Variants in USP7 observed in about 807,000 individuals in gnomAD.
The protein encoded by USP7 is ubiquitin specific peptidase 7.
USP7 carries 9 observed loss-of-function variants against 162.9 expected under a neutral mutation model. That is an observed-to-expected ratio of 0.06 (90% confidence interval 0.03 to 0.10). The LOEUF (loss-of-function observed/expected upper bound fraction) is 0.10, where lower values mean the gene tolerates loss of function less well. Among genes scored for constraint, USP7 ranks in the 10% least tolerant of loss-of-function variants. The probability of loss-of-function intolerance (pLI) is 1.00; values close to 1 mark genes in which losing one functional copy is unlikely to be tolerated. For synonymous variants in USP7, 562 were observed against 475.9 expected (o/e 1.18, Z -2.35); for missense variants, 715 against 1,373.7 (o/e 0.52, Z 7.58).
chr16:8,952,002 C>A (rs902834818), intron 1 of USP7, among the ~76,000 whole-genome samples: 3 of 152,188 alleles, frequency 2.0e-5, no homozygotes, highest in African/African-American at 7.2e-5. Flanking sequence ...GGAAGCCCAA[C>A]TGCAGTTCAC....
chr16:8,911,590 G>C (rs1326478286), intron 10 of USP7, among the ~76,000 whole-genome samples: 2 of 152,194 alleles, frequency 1.3e-5, no homozygotes, highest in African/African-American at 4.8e-5. Context: ...ATCCCTGAAG[G>C]GACAAATGAG....
At chr16:8,923,434 C>T in intron 2 of USP7, 21 bp from the exon 3 acceptor site, 1 of 1,613,060 alleles carries the variant, frequency 6.2e-7, no homozygotes, top group Non-Finnish European at 8.5e-7. Context: ...AACACATCAT[C>T]AGTCACAGAG....
At chr16:8,897,513 A>C (rs1409915382) in intron 25 of USP7, among the ~76,000 whole-genome samples, 1 of 151,586 alleles carries the variant, frequency 6.6e-6, no homozygotes, top group Non-Finnish European at 1.5e-5. Context: ...TTATGTCTCG[A>C]ATTTTCCCTC....
At chr16:8,896,485 A>C (rs994010413) in intron 26 of USP7, among the ~76,000 whole-genome samples, 20 of 152,190 alleles carry the variant, frequency 1.3e-4, no homozygotes, top group African/African-American at 4.6e-4. Flanking sequence ...ACTACAGGGC[A>C]AAGTAGTGAG....
chr16:8,958,316 G>T (rs1398254906), intron 1 of USP7, among the ~76,000 whole-genome samples: 1 of 152,232 alleles, frequency 6.6e-6, no homozygotes, highest in Non-Finnish European at 1.5e-5. Context: ...TGTCCTGTTT[G>T]TGCCCACACA....
At chr16:8,920,661 C>A (rs1897635652) in intron 4 of USP7, among the ~76,000 whole-genome samples, 1 of 152,098 alleles carries the variant, frequency 6.6e-6, no homozygotes, top group African/African-American at 2.4e-5. Flanking sequence ...CAGAGGTATC[C>A]CAGAGGTACC....
chr16:8,933,925 T>G (rs1898530163), intron 1 of USP7, among the ~76,000 whole-genome samples: 1 of 152,068 alleles, frequency 6.6e-6, no homozygotes, highest in Admixed American at 6.5e-5. Context: ...CCAGCTAATT[T>G]TTTTTATTTT....
chr16:8,900,337 G>T (rs946087813), intron 21 of USP7, among the ~76,000 whole-genome samples, 193 bp downstream of exon 21: 13 of 152,128 alleles, frequency 8.5e-5, no homozygotes, highest in Non-Finnish European at 1.8e-4. Flanking sequence ...AAGAAATTGA[G>T]AAGAGCTTTA....
chr16:8,899,966 T>G, intron 21 of USP7: 1 of 626,438 alleles, frequency 1.6e-6, no homozygotes, highest in South Asian at 1.9e-5. Flanking sequence ...CCAGGCGCAA[T>G]GTAGTGGCTT....
chr16:8,925,398 A>G (rs1357979633), intron 2 of USP7, among the ~76,000 whole-genome samples: 5 of 152,220 alleles, frequency 3.3e-5, no homozygotes, highest in Admixed American at 3.3e-4. Context: ...CAGGACCTAA[A>G]AAGCTGAAAG....
intron 1 of USP7, among the ~76,000 whole-genome samples, chr16:8,938,903 CT>C (rs1344373824): frequency 1.3e-5 from 2 of 152,134 alleles, no homozygotes; most frequent in African/African-American, 2.4e-5. Flanking sequence ...AAATACTACA[CT>C]GTTTTGTATG....
chr16:8,940,457 G>A (rs1445119478), intron 1 of USP7, among the ~76,000 whole-genome samples: 4 of 152,192 alleles, frequency 2.6e-5, no homozygotes, highest in Non-Finnish European at 4.4e-5. Context: ...CCAAGAAGCT[G>A]GGCGCCACCA....
intron 1 of USP7, among the ~76,000 whole-genome samples, chr16:8,934,474 G>C (rs1436308809): frequency 6.6e-6 from 1 of 152,230 alleles, no homozygotes; most frequent in African/African-American, 2.4e-5. Context: ...TGGGGTGGGG[G>C]AAATGCGTAA....
chr16:8,905,482 T>C (rs1011489305), intron 13 of USP7, 151 bp from the exon 14 acceptor site: 3 of 955,108 alleles, frequency 3.1e-6, no homozygotes, highest in Non-Finnish European at 4.7e-6. Context: ...GCACACAATC[T>C]GACGGTGTGC....
chr16:8,901,158 T>G lies in USP7; in HGVS notation c.2124A>C (p.Pro708=). ...AGGACTTACGTATTTTACAGGATATTGGTGTGTAGATATGCCCACAGTAAT... is the reference window on the plus strand; with the variant it reads ...AGGACTTACGTATTTTACAGGATATGGGTGTGTAGATATGCCCACAGTAAT... ...SLNYCGHIYT[P]ISCKIRDLLP... Residue 708 remains proline, a synonymous_variant, in exon 19 of 31, where the codon CCA becomes CCC. Coordinates refer to ENST00000344836, the MANE Select transcript of USP7 (RefSeq NM_003470.3). 1 of 1,614,062 alleles carries G rather than the reference T, an allele frequency of 6.2e-7. No homozygotes were observed.
intron 25 of USP7, 38 bp downstream of exon 25, chr16:8,898,322 C>A (rs1279449256): frequency 6.7e-7 from 1 of 1,490,042 alleles, no homozygotes; most frequent in Non-Finnish European, 9.2e-7. Context: ...AAGCAAGTTC[C>A]AATAAAAATT....
intron 1 of USP7, among the ~76,000 whole-genome samples, chr16:8,952,820 C>T (rs1314342275): frequency 6.6e-6 from 1 of 151,838 alleles, no homozygotes; most frequent in South Asian, 2.1e-4. Context: ...CCACCCCTCC[C>T]GCCTGTGACC....
chr16:8,917,841 A>C (rs1164994344), intron 6 of USP7, among the ~76,000 whole-genome samples: 4 of 150,822 alleles, frequency 2.7e-5, no homozygotes, highest in Non-Finnish European at 5.9e-5. Flanking sequence ...CCAGGCTGGA[A>C]TGCAGTGGCG....
rs577171027 is a variant in USP7 at position 8,947,095 on chromosome 16, T to C, written c.79+16112A>G. On this transcript the variant is annotated intron_variant, in intron 1 of 30. Transcript: ENST00000344836. ...GCTACTAAAGCATTCCTCCTGTTTT[T>C]TTCAGTATATCTCTGTAAGATTGGT... 7.9e-5 allele frequency among the ~76,000 whole-genome samples: 12 copies of C among 152,332 alleles called. No individual in the cohort carries two copies. In the South Asian group the frequency reaches 2.3e-3, roughly 29 times the overall value.
Sources: allele counts gnomAD v4.1 joint callset (sites outside exome capture counted in the v4.1 genomes callset), GRCh38; gene constraint gnomAD v4.1.1; transcripts MANE v1.5; gene names NCBI Gene and HGNC (gene_info 2026-07-23, HGNC 2026-07-21).